The following ROCK1 variants were observed in gnomAD, a reference collection of about 807,000 sequenced individuals.
ROCK1 encodes the protein rho-associated protein kinase 1.
ROCK1 carries 36 observed loss-of-function variants against 196.8 expected under a neutral mutation model. That is an observed-to-expected ratio of 0.18 (90% CI 0.14 to 0.24). The LOEUF is 0.24. ROCK1 is among the 10% of genes least tolerant of loss of function. The pLI, the probability that ROCK1 is intolerant of heterozygous loss-of-function variation, is 1.00. For missense variants in ROCK1, 920 were observed against 1,562.0 expected (o/e 0.59, Z 6.93); for synonymous variants, 443 against 515.9 (o/e 0.86, Z 1.91).
chr18:21,103,269 G>T (rs1169330776), intron 1 of ROCK1, among the ~76,000 whole-genome samples: 10 of 152,022 alleles, frequency 6.6e-5, no homozygotes, highest in Non-Finnish European at 1.5e-4. Context: ...TATAACTATT[G>T]AAATTAATTT....
At chr18:20,996,888 C>A (rs1219025089) in intron 16 of ROCK1, among the ~76,000 whole-genome samples, 2 of 152,046 alleles carry the variant, frequency 1.3e-5, no homozygotes, top group African/African-American at 2.4e-5. Flanking sequence ...TTTAAAATAA[C>A]GGGTTAGAGG....
chr18:21,106,128 G>C (rs2036700778), intron 1 of ROCK1, among the ~76,000 whole-genome samples: 1 of 152,126 alleles, frequency 6.6e-6, no homozygotes, highest in African/African-American at 2.4e-5. Flanking sequence ...GTTCCCTTCT[G>C]TCTCCTCCGC....
intron 27 of ROCK1, among the ~76,000 whole-genome samples, chr18:20,965,432 CAT>C (rs2035364912): frequency 6.7e-6 from 1 of 149,300 alleles, no homozygotes; most frequent in Non-Finnish European, 1.5e-5. Context: ...TACATACATA[CAT>C]ACATACATAT....
chr18:21,071,026 TATAAA>T (rs1332625074), intron 1 of ROCK1, among the ~76,000 whole-genome samples: 4 of 152,182 alleles, frequency 2.6e-5, no homozygotes, highest in Non-Finnish European at 1.5e-5. Flanking sequence ...TGAGGTTTAA[TATAAA>T]ATAAATACTG....
At chr18:21,009,786 G>T (rs1444312127) in intron 13 of ROCK1, among the ~76,000 whole-genome samples, 2 of 151,948 alleles carry the variant, frequency 1.3e-5, no homozygotes, top group Non-Finnish European at 2.9e-5. Context: ...GTTTTAATTT[G>T]CACTTCCCAA....
chr18:21,109,804 T>C (rs978750417), intron 1 of ROCK1, among the ~76,000 whole-genome samples: 1 of 152,234 alleles, frequency 6.6e-6, no homozygotes, highest in African/African-American at 2.4e-5. Context: ...TTTTGAATTG[T>C]ATTATTTCTT....
intron 9 of ROCK1, among the ~76,000 whole-genome samples, chr18:21,038,143 G>C (rs1318145301): frequency 6.6e-6 from 1 of 152,044 alleles, no homozygotes; most frequent in Non-Finnish European, 1.5e-5. Flanking sequence ...AGAATAACCT[G>C]AATAAAAACA....
chr18:21,079,249 C>T (rs1186231637), intron 1 of ROCK1, among the ~76,000 whole-genome samples: 1 of 152,112 alleles, frequency 6.6e-6, no homozygotes, highest in East Asian at 1.9e-4. Flanking sequence ...TCACCTCTTC[C>T]TCACCTTCCT....
intron 9 of ROCK1, among the ~76,000 whole-genome samples, chr18:21,033,589 G>A (rs1350928912): frequency 6.6e-6 from 1 of 151,870 alleles, no homozygotes; most frequent in Non-Finnish European, 1.5e-5. Flanking sequence ...CCCTAAAGGA[G>A]CTACAAAAGA....
chr18:20,989,679 T>C (rs1335567874), intron 18 of ROCK1, among the ~76,000 whole-genome samples: 6 of 151,846 alleles, frequency 4.0e-5, no homozygotes, highest in Non-Finnish European at 5.9e-5. Context: ...GGTAAAAAGG[T>C]TGATATAGAA....
At chr18:20,989,115 C>T (rs73959766) in intron 18 of ROCK1, among the ~76,000 whole-genome samples, 1,561 of 152,218 alleles carry the variant, frequency 0.01, 32 homozygotes, top group African/African-American at 0.035. Context: ...AACCAAAATA[C>T]GATTTGACTA....
Position 20,979,904 on chromosome 18 carries a change from A to T in ROCK1, c.2654+6T>A. 6.5e-7 allele frequency: 1 copy of T among 1,528,732 alleles called. No homozygotes were observed. 94.7% of individuals were successfully genotyped at this position (1,528,732 alleles called of 1,614,324 possible). A position where few individuals can be genotyped will look rare whatever the true frequency, so the allele number is the denominator to read the frequency against. ...TGATTCTTGTTCTAAAGTAAAATGG[A>T]CATACTTTTCATTTTGTAGTTCCTG... On this transcript the variant is annotated splice_donor_region_variant and intron_variant, in intron 22 of 32. Transcript: ENST00000399799.
chr18:21,061,617 T>C (rs1489183690), intron 2 of ROCK1, among the ~76,000 whole-genome samples: 3 of 152,164 alleles, frequency 2.0e-5, no homozygotes, highest in Admixed American at 6.5e-5. Flanking sequence ...AAAAAATCAA[T>C]TGGGATTCTG....
At chr18:21,078,403 C>A (rs1382676847) in intron 1 of ROCK1, among the ~76,000 whole-genome samples, 4 of 146,018 alleles carry the variant, frequency 2.7e-5, no homozygotes, top group African/African-American at 5.2e-5. Flanking sequence ...GAGAGAGAAC[C>A]TAGTGTGGTA....
intron 2 of ROCK1, among the ~76,000 whole-genome samples, chr18:21,059,737 C>A (rs1050690524): frequency 1.3e-5 from 2 of 152,158 alleles, no homozygotes; most frequent in African/African-American, 4.8e-5. Context: ...AACTTCTACA[C>A]AAATGTTCAT....
At chr18:21,061,850 T>G (rs2036294259) in intron 2 of ROCK1, among the ~76,000 whole-genome samples, 2 of 152,220 alleles carry the variant, frequency 1.3e-5, no homozygotes, top group African/African-American at 4.8e-5. Flanking sequence ...TGGTTTATTT[T>G]ACATGAATAT....
At chr18:21,077,477 C>T (rs578215638) in intron 1 of ROCK1, among the ~76,000 whole-genome samples, 1 of 152,266 alleles carries the variant, frequency 6.6e-6, no homozygotes, top group East Asian at 1.9e-4. Flanking sequence ...GCTGGTGCTG[C>T]TCATAAAGGC....
intron 10 of ROCK1, among the ~76,000 whole-genome samples, chr18:21,027,327 G>A (rs553078831): frequency 8.2e-4 from 125 of 152,274 alleles, no homozygotes; most frequent in Non-Finnish European, 1.3e-3. Context: ...AGAAGGCACT[G>A]TATCTTATTC....
At chr18:21,080,855 C>T (rs548839957) in intron 1 of ROCK1, among the ~76,000 whole-genome samples, 9 of 152,144 alleles carry the variant, frequency 5.9e-5, no homozygotes, top group Non-Finnish European at 1.2e-4. Flanking sequence ...ATACAAGCCC[C>T]ATGATATGTG....
Sources: allele counts gnomAD v4.1 joint callset (sites outside exome capture counted in the v4.1 genomes callset), GRCh38; gene constraint gnomAD v4.1.1; transcripts MANE v1.5; gene names NCBI Gene and HGNC (gene_info 2026-07-23, HGNC 2026-07-21).